The following MICU1 variants were observed in gnomAD, a reference collection of about 807,000 sequenced individuals.
The protein encoded by MICU1 is mitochondrial calcium uptake 1.
In MICU1, 45 loss-of-function variants were observed where a neutral mutation model predicts 56.8. The observed-to-expected ratio is 0.79, with a 90% confidence interval of 0.62 to 1.02. The LOEUF is 1.02. Ranked by LOEUF, MICU1 falls within the 50% of genes least tolerant of loss-of-function variation. MICU1 has a pLI of 0.00. For synonymous variants in MICU1, 186 were observed against 195.1 expected (o/e 0.95, Z 0.39); for missense variants, 504 against 587.1 (o/e 0.86, Z 1.46).
intron 4 of MICU1, among the ~76,000 whole-genome samples, chr10:72,535,405 C>A (rs1336280649): frequency 1.3e-5 from 2 of 151,874 alleles, no homozygotes; most frequent in Non-Finnish European, 2.9e-5. Flanking sequence ...CAAAGGACAG[C>A]GGGATAGAAA....
chr10:72,617,828 A>G (rs963157865), intron 1 of MICU1, among the ~76,000 whole-genome samples: 3 of 151,346 alleles, frequency 2.0e-5, no homozygotes, highest in Non-Finnish European at 4.4e-5. Context: ...CGAGACCCCA[A>G]CTCAAAACAA....
intron 4 of MICU1, among the ~76,000 whole-genome samples, chr10:72,545,029 T>C (rs1019593884): frequency 6.6e-6 from 1 of 152,250 alleles, no homozygotes; most frequent in African/African-American, 2.4e-5. Flanking sequence ...TACAACAAAA[T>C]AAAGTTGAAA....
At chr10:72,426,273 G>T (rs553153510) in intron 8 of MICU1, among the ~76,000 whole-genome samples, 2 of 152,244 alleles carry the variant, frequency 1.3e-5, no homozygotes, top group South Asian at 4.1e-4. Context: ...GCCTGCCTTG[G>T]CCTCCCAAAG....
chr10:72,481,386 G>C (rs912808850), intron 6 of MICU1, among the ~76,000 whole-genome samples: 1 of 152,076 alleles, frequency 6.6e-6, no homozygotes, highest in African/African-American at 2.4e-5. Flanking sequence ...GGTTCTGAAA[G>C]AGGAATTTTG....
Position 72,461,416 on chromosome 10 carries a change from A to G in MICU1, c.933+13684T>C, listed in dbSNP as rs566107607. On this transcript the variant is annotated intron_variant, in intron 8 of 11. Transcript: ENST00000361114. Reference sequence around the variant, plus strand: ...ACTCAAATAATGCCACCTCTGAGAAAACTGAGCAGTCCCCTGCTCTCTTAC... The same window carrying G: ...ACTCAAATAATGCCACCTCTGAGAAGACTGAGCAGTCCCCTGCTCTCTTAC... 5.9e-5 allele frequency among the ~76,000 whole-genome samples: 9 copies of G among 152,340 alleles called. No individual in the cohort carries two copies. The South Asian group carries it at 1.9e-3, about 32-fold the overall frequency.
At chr10:72,601,544 G>C (rs904009103) in intron 1 of MICU1, among the ~76,000 whole-genome samples, 2 of 151,344 alleles carry the variant, frequency 1.3e-5, no homozygotes, top group African/African-American at 2.4e-5. Flanking sequence ...TGTAGGAAAA[G>C]AAATTATCTT....
chr10:72,397,201 GA>G (rs1167521060), intron 10 of MICU1, among the ~76,000 whole-genome samples: 1 of 152,176 alleles, frequency 6.6e-6, no homozygotes. Flanking sequence ...AAGTGAAGGA[GA>G]AATAAAATCC....
At chr10:72,602,086 C>T (rs971594500) in intron 1 of MICU1, among the ~76,000 whole-genome samples, 1 of 151,612 alleles carries the variant, frequency 6.6e-6, no homozygotes, top group Non-Finnish European at 1.5e-5. Context: ...GCATGAGCCA[C>T]CATGCCTGGA....
chr10:72,387,322 C>T (rs769447355), intron 10 of MICU1, among the ~76,000 whole-genome samples: 23 of 152,208 alleles, frequency 1.5e-4, no homozygotes, highest in Non-Finnish European at 2.5e-4. Context: ...CACTCTTCCC[C>T]TCACCCTACG....
intron 5 of MICU1, among the ~76,000 whole-genome samples, chr10:72,508,861 C>T (rs1867348370): frequency 2.0e-5 from 3 of 152,180 alleles, no homozygotes; most frequent in Admixed American, 2.0e-4. Flanking sequence ...GTCGTACACA[C>T]TTTCGGCAAT....
At chr10:72,477,400 T>C (rs2089198985) in intron 6 of MICU1, 144 bp from the exon 7 acceptor site, 10 of 1,212,514 alleles carry the variant, frequency 8.2e-6, no homozygotes, top group East Asian at 2.6e-5. Flanking sequence ...AAATGGAAAA[T>C]GAAACTGCAT....
rs905919598 is a variant in MICU1 at position 72,615,081 on chromosome 10, T to C, written c.-2+10929A>G. On this transcript the variant is annotated intron_variant, in intron 1 of 11. Coordinates refer to ENST00000361114, the MANE Select transcript of MICU1 (RefSeq NM_001195518.2). ...CATACTGCGGATTTGTCTGATTGCT[T>C]CCTTGTGGTGTGGTTTTGTGTTTGT... Among the ~76,000 whole-genome samples, 5 of 144,882 alleles carry C rather than the reference T, an allele frequency of 3.5e-5. No individual in the cohort carries two copies. The Admixed American group carries it at 3.5e-4, about 10-fold the overall frequency.
chr10:72,416,790 C>T (rs1157148943), intron 9 of MICU1, among the ~76,000 whole-genome samples: 1 of 152,142 alleles, frequency 6.6e-6, no homozygotes. Flanking sequence ...TCTAATCTTC[C>T]TCCTTAGTGC....
intron 8 of MICU1, among the ~76,000 whole-genome samples, chr10:72,444,444 C>CTTTTTTTT (rs754274260): frequency 3.7e-5 from 4 of 107,666 alleles, no homozygotes; most frequent in East Asian, 2.6e-4. Flanking sequence ...GAGTCTTTGC[C>CTTTTTTTT]TTTTTTTTTT....
At chr10:72,441,192 C>T (rs996437050) in intron 8 of MICU1, among the ~76,000 whole-genome samples, 4 of 152,074 alleles carry the variant, frequency 2.6e-5, no homozygotes, top group African/African-American at 9.7e-5. Context: ...AAATGTGGCA[C>T]ATATACACCA....
intron 9 of MICU1, among the ~76,000 whole-genome samples, chr10:72,413,225 A>G (rs1863881427): frequency 6.6e-6 from 1 of 151,954 alleles, no homozygotes; most frequent in African/African-American, 2.4e-5. Flanking sequence ...AACAAAAACA[A>G]AACAAAACAA....
At chr10:72,512,405 C>A (rs1867500409) in intron 5 of MICU1, among the ~76,000 whole-genome samples, 1 of 152,042 alleles carries the variant, frequency 6.6e-6, no homozygotes, top group Non-Finnish European at 1.5e-5. Context: ...CCATGCCTGG[C>A]CCCCATACAC....
intron 4 of MICU1, among the ~76,000 whole-genome samples, chr10:72,547,728 A>G (rs1162595701): frequency 6.6e-6 from 1 of 152,182 alleles, no homozygotes; most frequent in Non-Finnish European, 1.5e-5. Context: ...TATGGATGCA[A>G]TCAGTAAAAT....
intron 5 of MICU1, 99 bp downstream of exon 5, chr10:72,533,647 C>G: frequency 1.2e-6 from 1 of 855,870 alleles, no homozygotes; most frequent in Non-Finnish European, 1.8e-6. Context: ...GTAAGATAAA[C>G]AGGTATTCAG....
Sources: gnomAD v4.1 joint callset for allele counts (sites outside exome capture counted in the v4.1 genomes callset) on GRCh38, gnomAD v4.1.1 for gene constraint, MANE v1.5 for transcripts, NCBI Gene and HGNC (gene_info 2026-07-23, HGNC 2026-07-21) for gene names.